Variants in B9D1 observed in about 807,000 individuals in gnomAD.
The protein encoded by B9D1 is B9 domain containing 1.
Under a neutral mutation model 26.1 loss-of-function variants are expected in B9D1, and 20 were observed. The observed-to-expected ratio is 0.77, with a 90% CI of 0.54 to 1.12. The LOEUF (loss-of-function observed/expected upper bound fraction) is 1.12, where lower values mean the gene tolerates loss of function less well. B9D1 is among the 50% of genes most tolerant of loss of function. The probability of loss-of-function intolerance (pLI) is 0.00; values close to 1 mark genes in which losing one functional copy is unlikely to be tolerated. For missense variants in B9D1, 260 were observed against 273.7 expected, an observed-to-expected ratio of 0.95 and a Z score of 0.35; for synonymous variants, 105 against 103.1, an observed-to-expected ratio of 1.02 and a Z score of -0.11.
chr17:19,362,480 G>A (rs774736264), intron 1 of B9D1, 27 bp downstream of exon 1: 2 of 1,523,566 alleles, frequency 1.3e-6, no homozygotes, highest in Non-Finnish European at 1.8e-6. Context: ...TGGGGGGCGG[G>A]CCCCGGCGGG....
At chr17:19,373,682 C>T (rs140589374) in intron 1 of B9D1, among the ~76,000 whole-genome samples, 1,557 of 152,078 alleles carry the variant, frequency 0.01, 27 homozygotes, top group African/African-American at 0.035. Context: ...TGAGACACCG[C>T]GCCCAGCCTA....
intron 3 of B9D1, among the ~76,000 whole-genome samples, chr17:19,350,569 A>C (rs1909469095): frequency 6.6e-6 from 1 of 151,338 alleles, no homozygotes; most frequent in Non-Finnish European, 1.5e-5. Context: ...ACAAAAACAA[A>C]AATTAGCCGG....
chr17:19,340,037 C>CCG (rs1567877886), downstream of B9D1, among the ~76,000 whole-genome samples: 1 of 21,546 alleles, frequency 4.6e-5, no homozygotes, highest in Non-Finnish European at 4.7e-4. Flanking sequence ...TGCCCAACCC[C>CCG]CCCCCCCCCC....
At position 19,343,376 on chromosome 17, in the gene B9D1, C is replaced by T; in HGVS notation, c.558G>A (p.Gly186=). Residue 186 remains glycine, a synonymous_variant, in exon 7 of 7, where the codon GGG becomes GGA. Coordinates refer to ENST00000261499, the MANE Select transcript of B9D1 (RefSeq NM_015681.6). ...CCAACACACCCTGTGTATCAGAAGG[C>T]CCAGTGTCATAGCCCAGTTTCCTCA... is the stretch of plus-strand genomic sequence containing the variant. ...KDMRKLGYDT[G]PSDTQGVLGP... 1 of 1,614,154 alleles carries T rather than the reference C, an allele frequency of 6.2e-7. No individual in the cohort carries two copies. Among genetic ancestry groups the T allele is most frequent in the East Asian group, 2.2e-5 (1 of 44,884 alleles).
rs943728198 is a variant in B9D1 at position 19,360,378 on chromosome 17, T to C, written c.74A>G (p.Tyr25Cys). The C allele has an allele frequency of 5.0e-6, 8 of 1,613,862 alleles. No individual in the cohort carries two copies. The highest frequency in any genetic ancestry group is 6.8e-6 in the Non-Finnish European group (8 of 1,179,996). Residue 25 changes from tyrosine (Y) to cysteine (C), a missense_variant, in exon 2 of 7, where the codon TAT (tyrosine) becomes TGT (cysteine). By Grantham distance (194) the Tyr-to-Cys change is radical (BLOSUM62 -2). Coordinates refer to ENST00000261499, the MANE Select transcript of B9D1 (RefSeq NM_015681.6). Reference sequence around the variant, plus strand: ...GCAGTACTTGCAGTAGAGGTCATCATACTCTGGAAACTGAAAAAAGCACAG... The same window carrying C: ...GCAGTACTTGCAGTAGAGGTCATCACACTCTGGAAACTGAAAAAAGCACAG... Reference protein sequence around the residue: ...GQVESAQFPEYDDLYCKYCFV... With the variant: ...GQVESAQFPECDDLYCKYCFV...
rs1598086926 is a variant in B9D1, at chr17:19,359,654, G to A, written c.132+666C>T. Among the ~76,000 whole-genome samples the A allele has an allele frequency of 2.0e-5, 3 of 152,082 alleles. No homozygotes were observed. Among genetic ancestry groups the A allele is most frequent in the South Asian group, 2.1e-4 (1 of 4,830 alleles). On this transcript the variant is annotated intron_variant, in intron 2 of 6. Transcript: ENST00000261499. The surrounding 1 kb of genome is among the most constrained non-coding windows in gnomAD (Gnocchi z 5.0). ...ATCTGACCCCCCAGCAAGAACGTGC[G>A]CTCCGGGAAGGCAGGGTCTTCTGGT... is the stretch of plus-strand genomic sequence containing the variant.
chr17:19,377,546 C>T (rs1476634758), intron 1 of B9D1, among the ~76,000 whole-genome samples: 1 of 152,176 alleles, frequency 6.6e-6, no homozygotes, highest in African/African-American at 2.4e-5. Context: ...AACCAAAATT[C>T]TTCACTTCTT....
chr17:19,361,660 T>C (rs947436914), intron 1 of B9D1, among the ~76,000 whole-genome samples: 5 of 151,744 alleles, frequency 3.3e-5, no homozygotes, highest in African/African-American at 9.7e-5. Flanking sequence ...CCTGATGAAA[T>C]AGGAAGGCAG....
intron 3 of B9D1, among the ~76,000 whole-genome samples, chr17:19,348,982 G>T (rs74849044): frequency 2.6e-5 from 4 of 152,274 alleles, no homozygotes; most frequent in Middle Eastern, 3.4e-3. Flanking sequence ...GCACCATGGC[G>T]CAGGCTCTCG....
At chr17:19,348,895 G>C (rs1344581740) in intron 3 of B9D1, among the ~76,000 whole-genome samples, 1 of 152,204 alleles carries the variant, frequency 6.6e-6, no homozygotes, top group South Asian at 2.1e-4. Flanking sequence ...GTGGGAATCT[G>C]TCACAATGAC....
rs1217899739 is a variant in B9D1, at chr17:19,344,655, G to A, written c.405-798C>T. 6 of 165,468 alleles carry A rather than the reference G, an allele frequency of 3.6e-5. No homozygotes were observed. The South Asian group carries it at 4.6e-4, about 13-fold the overall frequency. The allele number at this position is 165,468 out of a possible 1,614,324, so 10.2% of individuals were successfully genotyped here. ...CAAGGTCCCCCCACGGACACACCCG[G>A]CCCCGAGGGTCGCTGGCAACCATGC... On this transcript the variant is annotated intron_variant, in intron 5 of 6. Transcript: ENST00000261499.
At chr17:19,377,222 C>T (rs1912173679) in intron 1 of B9D1, among the ~76,000 whole-genome samples, 1 of 152,198 alleles carries the variant, frequency 6.6e-6, no homozygotes, top group African/African-American at 2.4e-5. Context: ...TGAGACTTGT[C>T]TCAGATACTT....
At chr17:19,360,788 T>C (rs964416722) in intron 1 of B9D1, among the ~76,000 whole-genome samples, 4 of 152,200 alleles carry the variant, frequency 2.6e-5, no homozygotes, top group African/African-American at 4.8e-5. Context: ...TCAGTTCCTC[T>C]AGACCATGAG....
chr17:19,359,500 G>A lies in B9D1; in HGVS notation c.132+820C>T, dbSNP rs1447029734. On this transcript the variant is annotated intron_variant, in intron 2 of 6. Coordinates refer to ENST00000261499, the MANE Select transcript of B9D1 (RefSeq NM_015681.6). This position sits in a 1 kb window ranked among gnomAD's most constrained non-coding sequence, Gnocchi z 5.0. The stretch of plus-strand genomic sequence containing the variant: ...GTCTTTCCTCAAAAGTTACTTTCTC[G>A]GCAAGGCCCTCCCTGGCAGCCTTAG... 1.3e-5 allele frequency among the ~76,000 whole-genome samples: 2 copies of A among 152,032 alleles called. No homozygotes were observed. The highest frequency in any genetic ancestry group is 2.9e-5 in the Non-Finnish European group (2 of 68,010).
Position 19,359,185 on chromosome 17 carries a change from G to A in B9D1, c.132+1135C>T, listed in dbSNP as rs1207033851. 6.6e-6 allele frequency among the ~76,000 whole-genome samples: 1 copy of A among 152,176 alleles called. No homozygotes were observed. The highest frequency in any genetic ancestry group is 1.5e-5 in the Non-Finnish European group (1 of 68,034). ...GTCTATCCTTGTCGTAGAAGCCAGGGAATCTTCTAAAAACATAAGTCAGAT... is the reference window on the plus strand; with the variant it reads ...GTCTATCCTTGTCGTAGAAGCCAGGAAATCTTCTAAAAACATAAGTCAGAT... On this transcript the variant is annotated intron_variant, in intron 2 of 6. Transcript: ENST00000261499. The surrounding 1 kb of genome is among the most constrained non-coding windows in gnomAD (Gnocchi z 5.0).
chr17:19,367,158 G>A (rs1314533211), upstream of B9D1, among the ~76,000 whole-genome samples: 1 of 152,138 alleles, frequency 6.6e-6, no homozygotes, highest in Non-Finnish European at 1.5e-5. Context: ...AAATCTTAGA[G>A]GCCTTTCTGG....
rs542108013 is a variant in B9D1, at chr17:19,359,865, G to A, written c.132+455C>T. Among the ~76,000 whole-genome samples, 25 of 152,340 alleles carry A rather than the reference G, an allele frequency of 1.6e-4. No individual in the cohort carries two copies. The highest frequency in any genetic ancestry group is 1.2e-3 in the Admixed American group (18 of 15,310). ...CTTTGCAAACAGCAGAGCACAGAGCGGGCTGAAGTTGTCACCACAGTCCCT... is the reference window on the plus strand; with the variant it reads ...CTTTGCAAACAGCAGAGCACAGAGCAGGCTGAAGTTGTCACCACAGTCCCT... On this transcript the variant is annotated intron_variant, in intron 2 of 6. Coordinates refer to ENST00000261499, the MANE Select transcript of B9D1 (RefSeq NM_015681.6). The surrounding 1 kb of genome is among the most constrained non-coding windows in gnomAD (Gnocchi z 5.0).
downstream of B9D1, among the ~76,000 whole-genome samples, chr17:19,338,363 T>G (rs1907634240): frequency 6.6e-6 from 1 of 152,232 alleles, no homozygotes; most frequent in Non-Finnish European, 1.5e-5. Flanking sequence ...CTGCTGCCTG[T>G]GGGTGGATGG....
chr17:19,338,948 A>G (rs544157261), downstream of B9D1, among the ~76,000 whole-genome samples: 5 of 152,360 alleles, frequency 3.3e-5, no homozygotes, highest in Admixed American at 2.6e-4. Flanking sequence ...GGACAACTCA[A>G]GCACACACAT....
Sources: gnomAD v4.1 joint callset for allele counts (sites outside exome capture counted in the v4.1 genomes callset) on GRCh38, gnomAD v4.1.1 for gene constraint, Gnocchi (gnomAD v3.1) non-coding constraint, MANE v1.5 for transcripts, NCBI Gene and HGNC (gene_info 2026-07-23, HGNC 2026-07-21) for gene names.